Variants in FSTL5 observed in about 807,000 individuals in gnomAD.
The protein encoded by FSTL5 is follistatin like 5.
FSTL5 carries 62 observed loss-of-function variants against 89.1 expected under a neutral mutation model. That is an observed-to-expected ratio of 0.70 (90% CI 0.57 to 0.86). The LOEUF (loss-of-function observed/expected upper bound fraction) is 0.86. Ranked by LOEUF, FSTL5 falls within the 40% of genes least tolerant of loss-of-function variation. The pLI, the probability that FSTL5 is intolerant of heterozygous loss-of-function variation, is 0.00. For synonymous variants in FSTL5, 383 were observed against 346.2 expected, an observed-to-expected ratio of 1.11 and a Z score of -1.18; for missense variants, 1,057 against 1,001.6, an observed-to-expected ratio of 1.06 and a Z score of -0.75.
intron 6 of FSTL5, among the ~76,000 whole-genome samples, chr4:161,681,874 G>C (rs1259760595): frequency 6.6e-6 from 1 of 152,104 alleles, no homozygotes; most frequent in Non-Finnish European, 1.5e-5. Context: ...CTTAATGACA[G>C]CGATACTTTC....
intron 1 of FSTL5, among the ~76,000 whole-genome samples, chr4:162,145,880 T>G (rs931345298): frequency 6.6e-6 from 1 of 152,142 alleles, no homozygotes; most frequent in African/African-American, 2.4e-5. Context: ...GAGAGACTAT[T>G]TTGAATTTCC....
intron 6 of FSTL5, among the ~76,000 whole-genome samples, chr4:161,669,119 A>AT (rs1177599636): frequency 6.7e-6 from 1 of 148,654 alleles, no homozygotes; most frequent in Non-Finnish European, 1.5e-5. Flanking sequence ...CTCAAAAAAA[A>AT]AAAAAAAATA....
At chr4:161,926,082 C>T (rs529353161) in intron 3 of FSTL5, among the ~76,000 whole-genome samples, 2 of 151,890 alleles carry the variant, frequency 1.3e-5, no homozygotes, top group Admixed American at 1.3e-4. Flanking sequence ...TAACAAAATG[C>T]ATTCGAACCT....
chr4:161,931,252 C>T (rs1560923042), intron 3 of FSTL5, among the ~76,000 whole-genome samples: 1 of 151,812 alleles, frequency 6.6e-6, no homozygotes, highest in Non-Finnish European at 1.5e-5. Context: ...AGAAGCTGAT[C>T]TTTAATAGCT....
At chr4:161,405,107 C>T (rs1425865706) in intron 15 of FSTL5, among the ~76,000 whole-genome samples, 1 of 151,862 alleles carries the variant, frequency 6.6e-6, no homozygotes, top group Non-Finnish European at 1.5e-5. Context: ...GTGGTGGGCA[C>T]CTGTAATCCC....
chr4:161,568,391 G>C (rs1732891334), intron 8 of FSTL5, among the ~76,000 whole-genome samples: 1 of 152,160 alleles, frequency 6.6e-6, no homozygotes, highest in South Asian at 2.1e-4. Flanking sequence ...AATAGCTTCA[G>C]CGGGTAACTT....
At chr4:161,765,887 C>T (rs1055232011) in intron 5 of FSTL5, among the ~76,000 whole-genome samples, 2 of 151,754 alleles carry the variant, frequency 1.3e-5, no homozygotes, top group South Asian at 2.1e-4. Flanking sequence ...CCTTGCCTCC[C>T]GGGTTCAAGC....
intron 3 of FSTL5, among the ~76,000 whole-genome samples, chr4:161,959,642 G>A (rs1057290477): frequency 2.0e-5 from 3 of 152,108 alleles, no homozygotes; most frequent in African/African-American, 7.2e-5. Flanking sequence ...AGTAACGTAT[G>A]TGTGAGAAGT....
At chr4:161,748,918 T>C (rs1328973396) in intron 6 of FSTL5, among the ~76,000 whole-genome samples, 1 of 151,622 alleles carries the variant, frequency 6.6e-6, no homozygotes, top group Non-Finnish European at 1.5e-5. Flanking sequence ...AAAAAATACA[T>C]GAAAAAATGT....
rs187569430 is a variant in FSTL5 at position 161,812,704 on chromosome 4, T to A, written c.410-36630A>T. On this transcript the variant is annotated intron_variant, in intron 4 of 15. Coordinates refer to ENST00000306100, the MANE Select transcript of FSTL5 (RefSeq NM_020116.5). Reference sequence around the variant, plus strand: ...GCAGGCTTCCAAAGGTGAATGCCAGTTTAGGACATTTCATTACCATCCTAG... The same window carrying A: ...GCAGGCTTCCAAAGGTGAATGCCAGATTAGGACATTTCATTACCATCCTAG... Among the ~76,000 whole-genome samples, 59 of 152,026 alleles carry A rather than the reference T, an allele frequency of 3.9e-4. 1 individual carries two copies. The East Asian group carries it at 8.9e-3, about 23-fold the overall frequency.
In FSTL5 at chr4:162,033,600, T is replaced by C. The variant is rs773570272; in HGVS notation, c.160+25A>G. The C allele has an allele frequency of 6.1e-6, 8 of 1,308,978 alleles. No individual in the cohort carries two copies. In the East Asian group the frequency reaches 1.7e-4, roughly 28 times the overall value. 81.1% of individuals were successfully genotyped at this position (1,308,978 alleles called of 1,614,324 possible). ...TTTCTGTTATGAACTTATATAATTG[T>C]TATCTTAAAGCAATCATTTCTTACC... On this transcript the variant is annotated intron_variant, in intron 3 of 15. Coordinates refer to ENST00000306100, the MANE Select transcript of FSTL5 (RefSeq NM_020116.5).
At chr4:161,609,226 T>C (rs1032254495) in intron 7 of FSTL5, among the ~76,000 whole-genome samples, 37 of 152,270 alleles carry the variant, frequency 2.4e-4, no homozygotes, top group Admixed American at 2.4e-3. Context: ...TAATGTCTTC[T>C]TGTTTTAGCT....
chr4:161,983,427 T>C (rs1735880199), intron 3 of FSTL5, among the ~76,000 whole-genome samples: 1 of 152,146 alleles, frequency 6.6e-6, no homozygotes, highest in Non-Finnish European at 1.5e-5. Context: ...TAGACTCCTC[T>C]AAGGACGAAA....
At chr4:161,811,793 G>T (rs1490131541) in intron 4 of FSTL5, among the ~76,000 whole-genome samples, 1 of 152,120 alleles carries the variant, frequency 6.6e-6, no homozygotes, top group Non-Finnish European at 1.5e-5. Flanking sequence ...TACATTCAGT[G>T]TGCCTTAGCA....
chr4:161,995,707 C>G (rs1273692363), intron 3 of FSTL5, among the ~76,000 whole-genome samples: 2 of 151,210 alleles, frequency 1.3e-5, no homozygotes, highest in African/African-American at 2.4e-5. Context: ...AATTTCTGTT[C>G]TCCAACTATG....
chr4:161,976,904 T>C (rs1291988271), intron 3 of FSTL5, among the ~76,000 whole-genome samples: 3 of 152,218 alleles, frequency 2.0e-5, no homozygotes, highest in Non-Finnish European at 1.5e-5. Flanking sequence ...TTTCTATGAT[T>C]GAAACTTTGT....
intron 6 of FSTL5, among the ~76,000 whole-genome samples, chr4:161,745,494 T>A (rs1195302065): frequency 6.6e-6 from 1 of 152,074 alleles, no homozygotes; most frequent in East Asian, 1.9e-4. Context: ...GGCAGTGGGG[T>A]ATATAGCATT....
intron 2 of FSTL5, among the ~76,000 whole-genome samples, chr4:162,085,034 C>A (rs569231599): frequency 6.6e-6 from 1 of 151,682 alleles, no homozygotes; most frequent in Admixed American, 6.6e-5. Context: ...AGTATAGGGA[C>A]GGGAAAAAAA....
chr4:161,491,026 C>T (rs1273418616), intron 12 of FSTL5, among the ~76,000 whole-genome samples: 2 of 151,908 alleles, frequency 1.3e-5, no homozygotes, highest in Non-Finnish European at 2.9e-5. Context: ...AAATAAAAGG[C>T]ACGTTATCTT....
Sources: allele counts gnomAD v4.1 joint callset (sites outside exome capture counted in the v4.1 genomes callset), GRCh38; gene constraint gnomAD v4.1.1; transcripts MANE v1.5; gene names NCBI Gene and HGNC (gene_info 2026-07-23, HGNC 2026-07-21).